The following ATG4A variants were observed in gnomAD, a reference collection of about 807,000 sequenced individuals.
The protein encoded by ATG4A is cysteine protease ATG4A.
ATG4A carries 22 observed loss-of-function variants against 38.4 expected under a neutral mutation model. That is an observed-to-expected ratio of 0.57 (90% CI 0.41 to 0.82). ATG4A has a LOEUF of 0.82. Ranked by LOEUF, ATG4A falls within the 40% of genes least tolerant of loss-of-function variation. ATG4A has a pLI of 0.00. For synonymous variants in ATG4A, 86 were observed against 100.7 expected, an observed-to-expected ratio of 0.85 and a Z score of 0.88; for missense variants, 220 against 290.0, an observed-to-expected ratio of 0.76 and a Z score of 1.75.
chrX:108,140,939 TATATATACACATATATAC>T (rs1204990410), intron 9 of ATG4A, among the ~76,000 whole-genome samples: 7 of 40,748 alleles, frequency 1.7e-4, no homozygotes, highest in Non-Finnish European at 3.5e-4. Flanking sequence ...TATATATACA[TATATATACACATATATAC>T]ATATATACAC....
At chrX:108,126,825 G>T (rs1290646358) in intron 2 of ATG4A, 3 of 915,004 alleles carry the variant, frequency 3.3e-6, no homozygotes, top group Admixed American at 6.1e-5. Context: ...ACCTGAAACT[G>T]CTAACAGCCC....
chrX:108,089,785 ACGGCACC>A (rs1193719731), upstream of ATG4A, among the ~76,000 whole-genome samples: 1 of 111,528 alleles, frequency 9.0e-6, no homozygotes, highest in Non-Finnish European at 1.9e-5. Context: ...GTGAGGTGAT[ACGGCACC>A]ACTGCACTCC....
At chrX:108,128,959 G>T (rs1326957309) in intron 3 of ATG4A, 107 bp downstream of exon 3, 24 of 459,902 alleles carry the variant, frequency 5.2e-5, no homozygotes, top group East Asian at 8.3e-5. Flanking sequence ...CTATAGCAAA[G>T]AATTTGATTG....
chrX:108,141,293 C>T (rs759421565), intron 9 of ATG4A, among the ~76,000 whole-genome samples: 8 of 105,447 alleles, frequency 7.6e-5, no homozygotes, highest in Non-Finnish European at 1.2e-4. Context: ...GGTGATGACA[C>T]GGGTGGCTGA....
chrX:108,126,083 C>T lies in ATG4A; in HGVS notation c.17C>T (p.Ser6Phe). 1 of 1,173,649 alleles carries T rather than the reference C, an allele frequency of 8.5e-7. No individual in the cohort carries two copies. The highest frequency in any genetic ancestry group is 1.8e-5 in the African/African-American group (1 of 56,797). ...TTCTTTCCTTTTCTTTCAGTTTTAT[C>T]CAAGTATGAAGATCAGATTACTATT... Reference protein sequence around the residue: MESVLSKYEDQITIFT... With the variant: MESVLFKYEDQITIFT... The change falls in exon 2 of 13, where the codon TCC becomes TTC. Residue 6 changes from serine to phenylalanine, a missense_variant. By Grantham distance (155) the Ser-to-Phe change is radical. Around this residue, in one of 3 missense-constraint regions of ATG4A, gnomAD observed 61 missense variants for 83.3 expected, o/e 0.73. Transcript: ENST00000372232.
At chrX:108,090,403 G>A (rs1490041023), upstream of ATG4A, among the ~76,000 whole-genome samples, 1 of 111,936 alleles carries the variant, frequency 8.9e-6, no homozygotes, top group East Asian at 2.8e-4. Context: ...CTGAAGAATG[G>A]TTAAATTTCC....
chrX:108,092,272 G>C (rs1373390141), intron 1 of ATG4A, among the ~76,000 whole-genome samples: 1 of 112,048 alleles, frequency 8.9e-6, no homozygotes, highest in Admixed American at 9.4e-5. Context: ...TCCATAGCCT[G>C]GTGACATCAC....
intron 9 of ATG4A, among the ~76,000 whole-genome samples, chrX:108,140,598 TTATATATATAAAA>T (rs1169405167): frequency 2.9e-5 from 3 of 104,168 alleles, no homozygotes; most frequent in South Asian, 3.9e-4. Context: ...TATATATACA[TTATATATATAAAA>T]TATATATATA....
At chrX:108,099,044 A>G (rs1435519369) in intron 1 of ATG4A, among the ~76,000 whole-genome samples, 1 of 111,931 alleles carries the variant, frequency 8.9e-6, no homozygotes, top group African/African-American at 3.2e-5. Context: ...TATATGTTTA[A>G]TTTTAAAAGA....
Position 108,095,017 on chromosome X carries a change from C to T in ATG4A, c.10+3181C>T, listed in dbSNP as rs1248041029. Among the ~76,000 whole-genome samples the T allele has an allele frequency of 2.7e-5, 3 of 112,369 alleles. No individual in the cohort carries two copies. In the East Asian group the frequency reaches 8.4e-4, roughly 31 times the overall value. ...TCACCCAGGCTGGAATGCAGTGGCA[C>T]GATCTTGGCACACTGCTATCTTTGC... On this transcript the variant is annotated intron_variant, in intron 1 of 12. Transcript: ENST00000372232.
chrX:108,116,718 C>T (rs2032518066), intron 1 of ATG4A, among the ~76,000 whole-genome samples: 1 of 111,574 alleles, frequency 9.0e-6, no homozygotes, highest in African/African-American at 3.3e-5. Context: ...ACCAAGGCTG[C>T]CAAGGCCAGC....
rs374183009 is a variant in ATG4A at position 108,150,317 on chromosome X, G to A, written c.960+20G>A. The A allele has an allele frequency of 3.1e-5, 37 of 1,209,717 alleles. No individual in the cohort carries two copies. Among genetic ancestry groups the A allele is most frequent in the South Asian group, 2.6e-4 (15 of 56,767 alleles). On this transcript the variant is annotated intron_variant, in intron 10 of 12. Transcript: ENST00000372232. ...GCATTGGTGGGTATTCGTAGGTTGG[G>A]TGGGCCAGGAGATACGATGTGTACA...
chrX:108,114,871 T>C (rs2147980620), intron 1 of ATG4A, among the ~76,000 whole-genome samples: 1 of 112,089 alleles, frequency 8.9e-6, no homozygotes, highest in South Asian at 3.7e-4. Context: ...CTCAGCCTAA[T>C]GACCTCTCAA....
At chrX:108,095,894 G>A (rs2147952531) in intron 1 of ATG4A, among the ~76,000 whole-genome samples, 1 of 110,526 alleles carries the variant, frequency 9.0e-6, no homozygotes, top group Admixed American at 9.6e-5. Context: ...ATTTTTAGTA[G>A]AGACGGGGTT....
intron 1 of ATG4A, among the ~76,000 whole-genome samples, chrX:108,122,643 TC>T (rs2032685251): frequency 9.0e-6 from 1 of 111,226 alleles, no homozygotes; most frequent in Admixed American, 9.6e-5. Flanking sequence ...TGTCTGGAGT[TC>T]CCCCAGAAGA....
At chrX:108,100,416 G>T (rs2031970566) in intron 1 of ATG4A, among the ~76,000 whole-genome samples, 1 of 110,558 alleles carries the variant, frequency 9.0e-6, no homozygotes, top group African/African-American at 3.3e-5. Context: ...AGACCATCTT[G>T]TCATCTGCAG....
chrX:108,091,692 C>T, upstream of ATG4A: 2 of 972,277 alleles, frequency 2.1e-6, no homozygotes, highest in Non-Finnish European at 2.9e-6. Flanking sequence ...AGAGCAGTTC[C>T]GGGCAGGGAG....
intron 9 of ATG4A, 65 bp from the exon 10 acceptor site, chrX:108,150,087 C>T: frequency 8.9e-7 from 1 of 1,128,852 alleles, no homozygotes; most frequent in Non-Finnish European, 1.2e-6. Context: ...GTGCCTCCTC[C>T]CAACAACAGC....
chrX:108,125,607 C>T (rs978276955), intron 1 of ATG4A, among the ~76,000 whole-genome samples: 1 of 111,711 alleles, frequency 9.0e-6, no homozygotes, highest in African/African-American at 3.3e-5. Flanking sequence ...TTACCATATA[C>T]ACAGGTGTAC....
Sources: allele counts gnomAD v4.1 joint callset (sites outside exome capture counted in the v4.1 genomes callset), GRCh38; gene constraint gnomAD v4.1.1; regional missense constraint gnomAD v4.1.1; transcripts MANE v1.5; gene names NCBI Gene and HGNC (gene_info 2026-07-23, HGNC 2026-07-21).